Variants in OSBPL3 observed in about 807,000 individuals in gnomAD.
OSBPL3 encodes the protein oxysterol-binding protein-related protein 3.
A neutral mutation model predicts 120.1 loss-of-function variants in OSBPL3; 65 were observed. The ratio of observed to expected loss-of-function variants is 0.54; its 90% CI spans 0.44 to 0.67. The LOEUF (loss-of-function observed/expected upper bound fraction) is 0.67. Ranked by LOEUF, OSBPL3 falls within the 30% of genes least tolerant of loss-of-function variation. OSBPL3 has a pLI of 0.00. For synonymous variants in OSBPL3, 416 were observed against 402.6 expected, an observed-to-expected ratio of 1.03 and a Z score of -0.40; for missense variants, 1,004 against 1,082.1, an observed-to-expected ratio of 0.93 and a Z score of 1.01.
chr7:24,909,796 T>TC (rs2128413401), intron 1 of OSBPL3, among the ~76,000 whole-genome samples: 1 of 141,128 alleles, frequency 7.1e-6, no homozygotes, highest in Non-Finnish European at 1.6e-5. Flanking sequence ...TTTTTTTTTT[T>TC]TTTTTTTTTT....
chr7:24,913,714 T>C lies in OSBPL3; in HGVS notation c.-149-21093A>G, dbSNP rs992785866. ...TATCATTTGGCATTTATCTTCATAA[T>C]AGTTGAAGCTGTGATTGGGAGTGCA... On this transcript the variant is annotated intron_variant, in intron 1 of 22. Transcript: ENST00000313367. The surrounding 1 kb of genome is among the most constrained non-coding windows in gnomAD (Gnocchi z 5.3). Among the ~76,000 whole-genome samples, 5 of 152,126 alleles carry C rather than the reference T, an allele frequency of 3.3e-5. No individual in the cohort carries two copies. The highest frequency in any genetic ancestry group is 1.2e-4 in the African/African-American group (5 of 41,422).
chr7:24,814,686 T>C (rs1033946155), intron 19 of OSBPL3, among the ~76,000 whole-genome samples: 14 of 152,222 alleles, frequency 9.2e-5, no homozygotes, highest in Admixed American at 7.2e-4. Context: ...TTCTGCTTTC[T>C]TTCTCTGTGA....
intron 12 of OSBPL3, among the ~76,000 whole-genome samples, chr7:24,847,617 A>G (rs954120484): frequency 5.3e-5 from 8 of 152,264 alleles, no homozygotes; most frequent in Admixed American, 1.3e-4. Flanking sequence ...CCAAGTAGAC[A>G]TGCCAAGCAT....
rs1301814895 is a variant in OSBPL3 at position 24,899,159 on chromosome 7, G to T, written c.-149-6538C>A. ...ATCAAGAGCCCTTGTGATCCCAGATGTTCAACTTTGATCACCCTTCAATTT... is the reference window on the plus strand; with the variant it reads ...ATCAAGAGCCCTTGTGATCCCAGATTTTCAACTTTGATCACCCTTCAATTT... On this transcript the variant is annotated intron_variant, in intron 1 of 22. Transcript: ENST00000313367. The surrounding 1 kb of genome is among the most constrained non-coding windows in gnomAD (Gnocchi z 4.0). Among the ~76,000 whole-genome samples the T allele has an allele frequency of 6.6e-6, 1 of 152,152 alleles. No individual in the cohort carries two copies. Among genetic ancestry groups the T allele is most frequent in the Non-Finnish European group, 1.5e-5 (1 of 68,030 alleles).
Position 24,930,878 on chromosome 7 carries a change from CCTCT to C in OSBPL3, c.-149-38261_-149-38258del, listed in dbSNP as rs1175964661. Among the ~76,000 whole-genome samples the C allele has an allele frequency of 6.6e-6, 1 of 152,196 alleles. No individual in the cohort carries two copies. The highest frequency in any genetic ancestry group is 2.4e-5 in the African/African-American group (1 of 41,438). On this transcript the variant is annotated intron_variant, in intron 1 of 22. Transcript: ENST00000313367. The surrounding 1 kb of genome is among the most constrained non-coding windows in gnomAD (Gnocchi z 4.4). ...CTATATCCAAAAACAAGTAGGCAAA[CCTCT>C]CTCCAATCCAAATGCCAAATACATA... is the stretch of plus-strand genomic sequence containing the variant.
At position 24,820,321 on chromosome 7, in the gene OSBPL3, G is replaced by T; in HGVS notation, c.1885-83C>A. 1 of 1,012,906 alleles carries T rather than the reference G, an allele frequency of 9.9e-7. No individual in the cohort carries two copies. The highest frequency in any genetic ancestry group is 1.5e-6 in the Non-Finnish European group (1 of 652,420). 62.7% of individuals were successfully genotyped at this position (1,012,906 alleles called of 1,614,324 possible). A position where few individuals can be genotyped will look rare whatever the true frequency, so the allele number is the denominator to read the frequency against. ...ATCCATTCTTTCTCCCCTGCACTGA[G>T]ATGTAACAGCGTGCAATGCTGAACT... is the stretch of plus-strand genomic sequence containing the variant. On this transcript the variant is annotated intron_variant, in intron 16 of 22. Transcript: ENST00000313367. This position sits in a 1 kb window ranked among gnomAD's most constrained non-coding sequence, Gnocchi z 4.6.
Position 24,965,622 on chromosome 7 carries a change from T to C in OSBPL3, c.-150+14264A>G, listed in dbSNP as rs1009874212. Among the ~76,000 whole-genome samples, 9 of 152,184 alleles carry C rather than the reference T, an allele frequency of 5.9e-5. No homozygotes were observed. The highest frequency in any genetic ancestry group is 1.7e-4 in the African/African-American group (7 of 41,436). On this transcript the variant is annotated intron_variant, in intron 1 of 22. Coordinates refer to ENST00000313367, the MANE Select transcript of OSBPL3 (RefSeq NM_015550.4). The surrounding 1 kb of genome is among the most constrained non-coding windows in gnomAD (Gnocchi z 4.3). The stretch of plus-strand genomic sequence containing the variant: ...AGAGTCAGTATCTCCTAATAACTTA[T>C]TAGAATTGTAGAATCTCAGGTCCCA...
At position 24,834,005 on chromosome 7, in the gene OSBPL3, T is replaced by C. The variant is rs991011920; in HGVS notation, c.1746+481A>G. ...ATATTTCTGATGTGAAAACCTCCTC[T>C]TGTGAACTTTATTTTCCAAAAACCT... On this transcript the variant is annotated intron_variant, in intron 15 of 22. Transcript: ENST00000313367. The surrounding 1 kb of genome is among the most constrained non-coding windows in gnomAD (Gnocchi z 5.2). 8.4e-6 allele frequency: 5 copies of C among 595,466 alleles called. No individual in the cohort carries two copies. The Admixed American group carries it at 1.9e-4, about 23-fold the overall frequency. 36.9% of individuals were successfully genotyped at this position (595,466 alleles called of 1,614,324 possible).
upstream of OSBPL3, chr7:24,980,297 C>G (rs1299818948): frequency 6.6e-6 from 1 of 152,156 alleles, no homozygotes. Context: ...GAGTGATGCA[C>G]AATCTCACCA....
chr7:24,829,866 T>C (rs1276668890), intron 16 of OSBPL3, among the ~76,000 whole-genome samples: 1 of 152,218 alleles, frequency 6.6e-6, no homozygotes, highest in Non-Finnish European at 1.5e-5. Context: ...TCCACCATTA[T>C]AAACTCTGCT....
In OSBPL3 at chr7:24,879,002, G is replaced by A. The variant is rs1376023686; in HGVS notation, c.97-6933C>T. 1.3e-5 allele frequency among the ~76,000 whole-genome samples: 2 copies of A among 152,168 alleles called. No homozygotes were observed. Among genetic ancestry groups the A allele is most frequent in the South Asian group, 2.1e-4 (1 of 4,832 alleles). On this transcript the variant is annotated intron_variant, in intron 2 of 22. Coordinates refer to ENST00000313367, the MANE Select transcript of OSBPL3 (RefSeq NM_015550.4). This position sits in a 1 kb window ranked among gnomAD's most constrained non-coding sequence, Gnocchi z 5.6. ...ATCTGAAGGCAAAACCAGGACTAAC[G>A]GGTGGGAACTACAAGGCCCTGGATT... is the stretch of plus-strand genomic sequence containing the variant.
In OSBPL3 at chr7:24,891,872, C is replaced by T. The variant is rs1223403080; in HGVS notation, c.96+505G>A. On this transcript the variant is annotated intron_variant, in intron 2 of 22. Coordinates refer to ENST00000313367, the MANE Select transcript of OSBPL3 (RefSeq NM_015550.4). This position sits in a 1 kb window ranked among gnomAD's most constrained non-coding sequence, Gnocchi z 4.1. ...AGCAGGTGAGTCTCGAAGCTACTAACAGGGCAATCTGTGGTTACAAGCTGC... is the reference window on the plus strand; with the variant it reads ...AGCAGGTGAGTCTCGAAGCTACTAATAGGGCAATCTGTGGTTACAAGCTGC... 6.6e-6 allele frequency among the ~76,000 whole-genome samples: 1 copy of T among 152,150 alleles called. No homozygotes were observed. The highest frequency in any genetic ancestry group is 1.5e-5 in the Non-Finnish European group (1 of 68,036).
rs528899139 is a variant in OSBPL3, at chr7:24,980,118, G to A, written c.-382C>T. ...CGAAGCGCTCAAGTCCCCTCTCCCG[G>A]GCCGGCTGGCGGGCGCCACCAGCAC... On this transcript the variant is annotated 5_prime_UTR_variant, in exon 1 of 23. Transcript: ENST00000313367. 26 of 911,462 alleles carry A rather than the reference G, an allele frequency of 2.9e-5. No homozygotes were observed. The highest frequency in any genetic ancestry group is 5.0e-5 in the South Asian group (1 of 19,804). 56.5% of individuals were successfully genotyped at this position (911,462 alleles called of 1,614,324 possible). A position where few individuals can be genotyped will look rare whatever the true frequency, so the allele number is the denominator to read the frequency against.
intron 1 of OSBPL3, among the ~76,000 whole-genome samples, chr7:24,979,019 G>A (rs980856686): frequency 3.3e-5 from 5 of 152,192 alleles, no homozygotes; most frequent in African/African-American, 9.6e-5. Context: ...GGCCACAAAC[G>A]CTCCCCGGGA....
In OSBPL3 at chr7:24,877,286, A is replaced by G. The variant is rs1189440617; in HGVS notation, c.97-5217T>C. On this transcript the variant is annotated intron_variant, in intron 2 of 22. Coordinates refer to ENST00000313367, the MANE Select transcript of OSBPL3 (RefSeq NM_015550.4). This position sits in a 1 kb window ranked among gnomAD's most constrained non-coding sequence, Gnocchi z 4.8. ...CAGTGCAGTATGGATGGAGGCAAGT[A>G]AGGTCTTCAACCCTGCTCAGAGATA... Among the ~76,000 whole-genome samples, 4 of 152,220 alleles carry G rather than the reference A, an allele frequency of 2.6e-5. No individual in the cohort carries two copies. The East Asian group carries it at 7.7e-4, about 29-fold the overall frequency.
chr7:24,973,170 A>G (rs1285949788), intron 1 of OSBPL3, among the ~76,000 whole-genome samples: 1 of 152,164 alleles, frequency 6.6e-6, no homozygotes, highest in East Asian at 1.9e-4. Context: ...CTCTCACACA[A>G]TCTCAGAAAT....
At chr7:24,934,637 T>C (rs1393247880) in intron 1 of OSBPL3, among the ~76,000 whole-genome samples, 1 of 152,196 alleles carries the variant, frequency 6.6e-6, no homozygotes, top group African/African-American at 2.4e-5. Context: ...CATAACTACT[T>C]AGACGGCTTT....
rs1791806809 is a variant in OSBPL3, at chr7:24,797,178, C to T, written c.*3005G>A. 6.6e-6 allele frequency: 1 copy of T among 152,122 alleles called. No homozygotes were observed. Among genetic ancestry groups the T allele is most frequent in the Non-Finnish European group, 1.5e-5 (1 of 68,030 alleles). The allele number at this position is 152,122 out of a possible 1,614,324, so 9.4% of individuals were successfully genotyped here. A position where few individuals can be genotyped will look rare whatever the true frequency, so the allele number is the denominator to read the frequency against. On this transcript the variant is annotated 3_prime_UTR_variant, in exon 23 of 23. Coordinates refer to ENST00000313367, the MANE Select transcript of OSBPL3 (RefSeq NM_015550.4). This position sits in a 1 kb window ranked among gnomAD's most constrained non-coding sequence, Gnocchi z 4.8. ...AGGCTTGACATCTTTAACAGTAGAACAAGATCACTCATGATAAATCTGGAA... is the reference window on the plus strand; with the variant it reads ...AGGCTTGACATCTTTAACAGTAGAATAAGATCACTCATGATAAATCTGGAA...
chr7:24,910,179 A>G (rs1438271867), intron 1 of OSBPL3, among the ~76,000 whole-genome samples: 1 of 152,202 alleles, frequency 6.6e-6, no homozygotes, highest in Non-Finnish European at 1.5e-5. Context: ...AAAATAGGAT[A>G]GATGGTAGAC....
Sources: allele counts gnomAD v4.1 joint callset (sites outside exome capture counted in the v4.1 genomes callset), GRCh38; gene constraint gnomAD v4.1.1; non-coding constraint Gnocchi (gnomAD v3.1); transcripts MANE v1.5; gene names NCBI Gene and HGNC (gene_info 2026-07-23, HGNC 2026-07-21).